The following ANAPC1 variants were observed in gnomAD, a reference collection of about 807,000 sequenced individuals.
The protein encoded by ANAPC1 is anaphase promoting complex subunit 1, also known as anaphase-promoting complex subunit 1.
In ANAPC1, 36 loss-of-function variants were observed where a neutral mutation model predicts 208.0. The ratio of observed to expected loss-of-function variants is 0.17; its 90% confidence interval spans 0.13 to 0.23. The LOEUF (loss-of-function observed/expected upper bound fraction) is 0.23, where lower values mean the gene tolerates loss of function less well. ANAPC1 is among the 10% of genes least tolerant of loss of function. ANAPC1 has a pLI of 1.00. For missense variants in ANAPC1, 942 were observed against 2,011.6 expected (o/e 0.47, Z 10.17); for synonymous variants, 378 against 695.2 (o/e 0.54, Z 7.18).
At chr2:111,820,213 G>A (rs1195511839) in intron 26 of ANAPC1, among the ~76,000 whole-genome samples, 4 of 151,948 alleles carry the variant, frequency 2.6e-5, no homozygotes, top group Non-Finnish European at 2.9e-5. Context: ...TACTAATAAT[G>A]GCTGACTGCA....
Position 111,879,613 on chromosome 2 carries a change from G to A in ANAPC1, c.214-642C>T, listed in dbSNP as rs575958900. Among the ~76,000 whole-genome samples the A allele has an allele frequency of 1.9e-3, 287 of 152,334 alleles. 1 individual carries two copies. The highest frequency in any genetic ancestry group is 3.9e-3 in the African/African-American group (161 of 41,584). On this transcript the variant is annotated intron_variant, in intron 2 of 47. Coordinates refer to ENST00000341068, the MANE Select transcript of ANAPC1 (RefSeq NM_022662.4). ...TCGCCGGGTGTGGTGGCTCACGCCTGTAATCCCAGCACTTTGGGAAGCCGT... is the reference window on the plus strand; with the variant it reads ...TCGCCGGGTGTGGTGGCTCACGCCTATAATCCCAGCACTTTGGGAAGCCGT...
At chr2:111,828,678 T>C (rs1189919772) in intron 21 of ANAPC1, among the ~76,000 whole-genome samples, 2 of 152,182 alleles carry the variant, frequency 1.3e-5, no homozygotes, top group Non-Finnish European at 2.9e-5. Context: ...TTATGCTAAG[T>C]GAAATAAGCC....
At chr2:111,816,320 C>G (rs899780681) in intron 27 of ANAPC1, among the ~76,000 whole-genome samples, 1 of 149,750 alleles carries the variant, frequency 6.7e-6, no homozygotes, top group Non-Finnish European at 1.5e-5. Context: ...ACAGGTCTTA[C>G]CTATATATGC....
chr2:111,843,625 G>A, intron 16 of ANAPC1, 26 bp from the exon 17 acceptor site: 21 of 1,576,492 alleles, frequency 1.3e-5, no homozygotes, highest in Non-Finnish European at 1.7e-5. Context: ...ATTAATTTTA[G>A]TATTCTTACT....
intron 19 of ANAPC1, among the ~76,000 whole-genome samples, chr2:111,834,249 T>C (rs758558738): frequency 1.6e-4 from 25 of 152,236 alleles, no homozygotes; most frequent in Admixed American, 6.5e-4. Context: ...TTGTCAACTA[T>C]AAAGCACTAT....
chr2:111,847,865 C>A lies in ANAPC1; in HGVS notation c.1651G>T (p.Val551Phe). The change falls in exon 15 of 48, where the codon GTT becomes TTT. Residue 551 changes from valine (V) to phenylalanine (F), a missense_variant and splice_region_variant. By Grantham distance (50) the Val-to-Phe change is conservative. Transcript: ENST00000341068. ...LSKLLGSLDEVVLLSPVPELR... is the reference protein window; with the variant it reads ...LSKLLGSLDEFVLLSPVPELR... The stretch of plus-strand genomic sequence containing the variant: ...TCTGGAACTGGGGACAACAGAACAA[C>A]CTGTAAAAAGTTGTAAATACGATAC... 1.9e-6 allele frequency: 3 copies of A among 1,567,128 alleles called. No homozygotes were observed. The highest frequency in any genetic ancestry group is 1.2e-5 in the South Asian group (1 of 82,630).
At chr2:111,834,138 C>T (rs1166822095) in intron 19 of ANAPC1, among the ~76,000 whole-genome samples, 11 of 152,186 alleles carry the variant, frequency 7.2e-5, no homozygotes, top group African/African-American at 2.7e-4. Flanking sequence ...GAGTCCACAA[C>T]TATCAAACAC....
intron 6 of ANAPC1, among the ~76,000 whole-genome samples, chr2:111,871,650 G>A (rs1447787667): frequency 3.3e-5 from 5 of 152,080 alleles, no homozygotes; most frequent in African/African-American, 1.2e-4. Context: ...TACTCAGGAG[G>A]CTGAAGCAGG....
chr2:111,821,534 T>C (rs570324881), intron 25 of ANAPC1, 81 bp from the exon 26 acceptor site: 2 of 1,479,768 alleles, frequency 1.4e-6, no homozygotes, highest in African/African-American at 1.4e-5. Flanking sequence ...TATAGGCTGA[T>C]GTGTCTTGAC....
chr2:111,882,831 C>T (rs1410130684), intron 1 of ANAPC1, among the ~76,000 whole-genome samples: 1 of 151,576 alleles, frequency 6.6e-6, no homozygotes, highest in South Asian at 2.1e-4. Flanking sequence ...TAAATGAGTA[C>T]TGGGACACTT....
At chr2:111,858,486 C>T (rs1401555966) in intron 10 of ANAPC1, 85 bp from the exon 11 acceptor site, 34 of 1,105,150 alleles carry the variant, frequency 3.1e-5, no homozygotes, top group African/African-American at 2.6e-4. Flanking sequence ...TGAGGCCGGG[C>T]GCGGTGGCTC....
chr2:111,805,908 G>C lies in ANAPC1; in HGVS notation c.3833-15C>G, dbSNP rs1205208109. On this transcript the variant is annotated splice_polypyrimidine_tract_variant and intron_variant, in intron 29 of 47. Coordinates refer to ENST00000341068, the MANE Select transcript of ANAPC1 (RefSeq NM_022662.4). ...AGGAGGCCGTCCTGTAAAAACAAAA[G>C]CAACACAGTTCAAACTAGCTTCTCA... The C allele has an allele frequency of 1.3e-5, 4 of 310,770 alleles. No individual in the cohort carries two copies. In the Admixed American group the frequency reaches 1.6e-4, roughly 12 times the overall value. The allele number at this position is 310,770 out of a possible 1,614,324, so 19.3% of individuals were successfully genotyped here.
chr2:111,848,388 G>C (rs2104513872), intron 14 of ANAPC1, among the ~76,000 whole-genome samples: 1 of 150,094 alleles, frequency 6.7e-6, no homozygotes, highest in South Asian at 2.2e-4. Context: ...GGTGGTAAGA[G>C]GAACATATGG....
intron 29 of ANAPC1, among the ~76,000 whole-genome samples, chr2:111,807,840 T>A (rs1307255042): frequency 1.1e-4 from 17 of 150,548 alleles, no homozygotes; most frequent in Non-Finnish European, 2.4e-4. Flanking sequence ...GACATCATCA[T>A]GATATAGCCA....
At chr2:111,848,670 G>A (rs1270818559) in intron 14 of ANAPC1, among the ~76,000 whole-genome samples, 4 of 151,448 alleles carry the variant, frequency 2.6e-5, no homozygotes, top group African/African-American at 9.7e-5. Flanking sequence ...CCAGCTATTT[G>A]GGAGGCTGAG....
chr2:111,832,258 G>A (rs545999372), intron 20 of ANAPC1, among the ~76,000 whole-genome samples: 16 of 145,320 alleles, frequency 1.1e-4, no homozygotes, highest in Non-Finnish European at 7.5e-5. Flanking sequence ...AGCCAAGATC[G>A]TACCACTGCA....
intron 14 of ANAPC1, among the ~76,000 whole-genome samples, chr2:111,849,277 G>A (rs565387362): frequency 1.4e-4 from 21 of 152,122 alleles, no homozygotes; most frequent in African/African-American, 5.1e-4. Context: ...TATCAAAAAG[G>A]CACTATTACC....
intron 7 of ANAPC1, 28 bp from the exon 8 acceptor site, chr2:111,864,979 A>G: frequency 1.3e-6 from 2 of 1,594,256 alleles, no homozygotes; most frequent in African/African-American, 2.7e-5. Context: ...AAAATCAGGT[A>G]TAGAACAATG....
At position 111,792,477 on chromosome 2, in the gene ANAPC1, G is replaced by A. The variant is rs149586183; in HGVS notation, c.4597C>T (p.Leu1533=). The A allele has an allele frequency of 3.7e-6, 6 of 1,613,674 alleles. No individual in the cohort carries two copies. The Admixed American group carries it at 8.3e-5, about 22-fold the overall frequency. Residue 1533 remains leucine (L), a synonymous_variant, in exon 38 of 48, where the codon CTA becomes TTA. Transcript: ENST00000341068. ...LAMVMAGSGN[L]KVLQLCRFLH... is the part of the protein sequence containing the mutation. Reference sequence around the variant, plus strand: ...AAGCGACAAAGCTGCAAAACCTTTAGGTTTCCTGAGCCAGCCATGACCATG... The same window carrying A: ...AAGCGACAAAGCTGCAAAACCTTTAAGTTTCCTGAGCCAGCCATGACCATG...
Sources: allele counts gnomAD v4.1 joint callset (sites outside exome capture counted in the v4.1 genomes callset), GRCh38; gene constraint gnomAD v4.1.1; transcripts MANE v1.5; gene names NCBI Gene and HGNC (gene_info 2026-07-23, HGNC 2026-07-21).